TECRL: variants seen among roughly 807,000 people sequenced by gnomAD.
TECRL encodes the protein trans-2,3-enoyl-CoA reductase-like.
In TECRL, 63 loss-of-function variants were observed where a neutral mutation model predicts 52.8. That is an observed-to-expected ratio of 1.19 (90% confidence interval 0.97 to 1.47). The LOEUF (loss-of-function observed/expected upper bound fraction) is 1.47. TECRL is among the 40% of genes most tolerant of loss of function. The pLI, the probability that TECRL is intolerant of heterozygous loss-of-function variation, is 0.00. For missense variants in TECRL, 482 were observed against 429.6 expected, an observed-to-expected ratio of 1.12 and a Z score of -1.08; for synonymous variants, 164 against 141.9, an observed-to-expected ratio of 1.16 and a Z score of -1.10.
intron 9 of TECRL, among the ~76,000 whole-genome samples, chr4:64,287,050 T>A (rs145305282): frequency 1.3e-5 from 2 of 152,268 alleles, no homozygotes; most frequent in East Asian, 3.9e-4. Context: ...ATCTGTGAAT[T>A]TGGATCAGAT....
At chr4:64,309,034 G>A (rs982864398) in intron 6 of TECRL, among the ~76,000 whole-genome samples, 20 of 152,204 alleles carry the variant, frequency 1.3e-4, no homozygotes, top group African/African-American at 4.3e-4. Flanking sequence ...AAATGGCTCG[G>A]ATTTAGGAGT....
At chr4:64,301,456 A>T (rs926351302) in intron 7 of TECRL, among the ~76,000 whole-genome samples, 3 of 151,204 alleles carry the variant, frequency 2.0e-5, no homozygotes, top group African/African-American at 7.2e-5. Flanking sequence ...AACTATAGTT[A>T]TCAAGAATTC....
At position 64,409,180 on chromosome 4, in the gene TECRL, T is replaced by C. The variant is rs189087821; in HGVS notation, c.172A>G (p.Thr58Ala). The change falls in exon 1 of 12, where the codon ACT becomes GCT. Residue 58 changes from threonine (T) to alanine (A), a missense_variant. Thr to Ala is a moderately conservative substitution (Grantham distance 58). Transcript: ENST00000381210. ...PTPAVKHSKT[T>A]HFEIEIFDAQ... ...TCAAATATTTCAATCTCAAAGTGAG[T>C]CGTTTTTGAATGTTTGACTGCTGGA... 2.7e-4 allele frequency: 443 copies of C among 1,613,694 alleles called. 1 individual carries two copies. The East Asian group carries it at 7.9e-3, about 29-fold the overall frequency.
intron 2 of TECRL, among the ~76,000 whole-genome samples, chr4:64,364,181 G>C (rs1411197424): frequency 6.6e-6 from 1 of 151,672 alleles, no homozygotes; most frequent in African/African-American, 2.4e-5. Context: ...AATAAAATTA[G>C]GGCAGAAATT....
At chr4:64,365,053 A>T (rs996014059) in intron 2 of TECRL, among the ~76,000 whole-genome samples, 2 of 152,100 alleles carry the variant, frequency 1.3e-5, no homozygotes, top group Admixed American at 1.3e-4. Flanking sequence ...AATTGGCCAT[A>T]ATAAAATAAG....
At chr4:64,408,476 G>A (rs540454178) in intron 1 of TECRL, among the ~76,000 whole-genome samples, 2 of 151,884 alleles carry the variant, frequency 1.3e-5, no homozygotes, top group South Asian at 4.1e-4. Flanking sequence ...AACCTAAGAA[G>A]AGTATATTTT....
chr4:64,294,686 C>T (rs774836243), intron 8 of TECRL, among the ~76,000 whole-genome samples: 4 of 151,966 alleles, frequency 2.6e-5, no homozygotes, highest in Non-Finnish European at 5.9e-5. Flanking sequence ...GTAGTATGAA[C>T]CAATGTACAA....
chr4:64,355,935 A>G (rs1720742402), intron 2 of TECRL, among the ~76,000 whole-genome samples: 1 of 152,196 alleles, frequency 6.6e-6, no homozygotes, highest in Admixed American at 6.5e-5. Context: ...AAGGAAAGAC[A>G]TAAGAAATTC....
At chr4:64,340,498 C>T (rs756532414) in intron 2 of TECRL, among the ~76,000 whole-genome samples, 15 of 152,216 alleles carry the variant, frequency 9.9e-5, no homozygotes, top group East Asian at 1.9e-4. Context: ...ACAGCCCTAC[C>T]GGGTTTGTGC....
At chr4:64,344,380 A>G (rs775956644) in intron 2 of TECRL, among the ~76,000 whole-genome samples, 1 of 152,002 alleles carries the variant, frequency 6.6e-6, no homozygotes, top group Non-Finnish European at 1.5e-5. Flanking sequence ...TTTAGTTTTG[A>G]TATAGGAGTC....
intron 1 of TECRL, among the ~76,000 whole-genome samples, chr4:64,401,662 C>T (rs1427540923): frequency 6.6e-6 from 1 of 152,264 alleles, no homozygotes; most frequent in Non-Finnish European, 1.5e-5. Context: ...TCATTATAAG[C>T]TTCGTGTAAT....
chr4:64,398,811 T>A (rs1724146652), intron 1 of TECRL, among the ~76,000 whole-genome samples: 1 of 152,050 alleles, frequency 6.6e-6, no homozygotes, highest in African/African-American at 2.4e-5. Flanking sequence ...GTTTGAAACT[T>A]AAAGACTGAT....
chr4:64,338,793 G>C (rs979498870), intron 2 of TECRL, among the ~76,000 whole-genome samples: 2 of 152,188 alleles, frequency 1.3e-5, no homozygotes, highest in Non-Finnish European at 2.9e-5. Flanking sequence ...ACAGGTGCTG[G>C]AGAGGATGTG....
intron 5 of TECRL, among the ~76,000 whole-genome samples, chr4:64,311,605 A>G: frequency 6.6e-6 from 1 of 152,186 alleles, no homozygotes; most frequent in East Asian, 1.9e-4. Context: ...TAGTACATTC[A>G]TTTATTTTAT....
At chr4:64,324,532 T>C (rs1718121051) in intron 3 of TECRL, among the ~76,000 whole-genome samples, 2 of 152,020 alleles carry the variant, frequency 1.3e-5, no homozygotes, top group South Asian at 4.1e-4. Flanking sequence ...AGATGATCTT[T>C]CAGAATCCAA....
At chr4:64,322,986 G>T (rs1315824913) in intron 3 of TECRL, among the ~76,000 whole-genome samples, 194 bp from the exon 4 acceptor site, 1 of 152,058 alleles carries the variant, frequency 6.6e-6, no homozygotes, top group African/African-American at 2.4e-5. Flanking sequence ...CTCTTCAAAT[G>T]CACAGTGGTT....
At chr4:64,287,831 G>T (rs2109940650) in intron 9 of TECRL, among the ~76,000 whole-genome samples, 1 of 152,184 alleles carries the variant, frequency 6.6e-6, no homozygotes, top group South Asian at 2.1e-4. Flanking sequence ...GCAAATTGGA[G>T]CAATTTTCTT....
intron 4 of TECRL, among the ~76,000 whole-genome samples, chr4:64,320,771 T>C (rs1577867108): frequency 6.6e-6 from 1 of 152,216 alleles, no homozygotes; most frequent in East Asian, 1.9e-4. Context: ...AAACACTCTT[T>C]TCTAAAATCT....
chr4:64,344,161 A>T (rs983956441), intron 2 of TECRL, among the ~76,000 whole-genome samples: 1 of 151,896 alleles, frequency 6.6e-6, no homozygotes, highest in Non-Finnish European at 1.5e-5. Flanking sequence ...AAACTCATAT[A>T]TATATATACT....
Sources: allele counts gnomAD v4.1 joint callset (sites outside exome capture counted in the v4.1 genomes callset), GRCh38; gene constraint gnomAD v4.1.1; transcripts MANE v1.5; gene names NCBI Gene and HGNC (gene_info 2026-07-23, HGNC 2026-07-21).